Variants in SLC5A2 observed in about 807,000 individuals in gnomAD.
The protein encoded by SLC5A2 is solute carrier family 5 member 2.
SLC5A2 carries 67 observed loss-of-function variants against 69.0 expected under a neutral mutation model. The ratio of observed to expected loss-of-function variants is 0.97; its 90% CI spans 0.80 to 1.19. SLC5A2 has a LOEUF of 1.19. Ranked by LOEUF, SLC5A2 falls within the 50% of genes most tolerant of loss-of-function variation. The pLI is 0.00. For synonymous variants in SLC5A2, 455 were observed against 395.8 expected (o/e 1.15, Z -1.78); for missense variants, 1,001 against 921.5 (o/e 1.09, Z -1.12).
chr16:31,487,774 C>T lies in SLC5A2; in HGVS notation c.885+15C>T, dbSNP rs1041485253. 1.3e-6 allele frequency: 2 copies of T among 1,598,478 alleles called. No individual in the cohort carries two copies. The highest frequency in any genetic ancestry group is 8.5e-7 in the Non-Finnish European group (1 of 1,173,724). On this transcript the variant is annotated intron_variant, in intron 7 of 13. Transcript: ENST00000330498. ...GCAGCGACCAGGTGCGGGTATAGGG[C>T]TGCGCCTGCAGTGAGGCCGGGGCGG...
At position 31,486,236 on chromosome 16, in the gene SLC5A2, A is replaced by G; in HGVS notation, c.535A>G (p.Ile179Val). The G allele has an allele frequency of 6.2e-7, 1 of 1,614,012 alleles. No homozygotes were observed. The highest frequency in any genetic ancestry group is 1.7e-5 in the Admixed American group (1 of 60,014). The change falls in exon 5 of 14, where the codon ATC becomes GTC. Residue 179 changes from isoleucine (I) to valine (V), a missense_variant. By Grantham distance (29) the Ile-to-Val change is conservative. Transcript: ENST00000330498. The stretch of plus-strand genomic sequence containing the variant: ...GGGCTGGAACATCTATGCCTCCGTC[A>G]TCGCGCTTCTGGGCATCACCATGAT... Reference protein sequence around the residue: ...ALGWNIYASVIALLGITMIYT... With the variant: ...ALGWNIYASVVALLGITMIYT...
intron 1 of SLC5A2, among the ~76,000 whole-genome samples, chr16:31,484,191 C>A (rs1473060771): frequency 1.3e-5 from 2 of 151,436 alleles, no homozygotes; most frequent in Non-Finnish European, 2.9e-5. Flanking sequence ...TCAAGGCCAG[C>A]CTGGCCAACA....
chr16:31,484,976 G>C, intron 3 of SLC5A2, 53 bp downstream of exon 3: 1 of 1,501,516 alleles, frequency 6.7e-7, no homozygotes, highest in Non-Finnish European at 9.2e-7. Context: ...CACCTGGAAG[G>C]GTCACACCTT....
In SLC5A2 at chr16:31,490,289, A is replaced by T; in HGVS notation, c.1793-20A>T. On this transcript the variant is annotated intron_variant, in intron 13 of 13. Transcript: ENST00000330498. Reference sequence around the variant, plus strand: ...AGCTGAGTTCCCGCAAACTAACTGCAGGGCCTCAATTTCCCTCAGAGCCCC... The same window carrying T: ...AGCTGAGTTCCCGCAAACTAACTGCTGGGCCTCAATTTCCCTCAGAGCCCC... The T allele has an allele frequency of 1.2e-6, 2 of 1,613,446 alleles. No homozygotes were observed.
In SLC5A2 at chr16:31,487,632, G is replaced by A. The variant is rs368706190; in HGVS notation, c.758G>A (p.Ser253Asn). The A allele has an allele frequency of 3.3e-5, 53 of 1,613,872 alleles. No homozygotes were observed. Among genetic ancestry groups the A allele is most frequent in the Non-Finnish European group, 4.2e-5 (50 of 1,180,006 alleles). ...GATCCAGCCGTGGGAAACATCTCCA[G>A]CTTCTGCTATCGACCCCGGCCCGAC... is the stretch of plus-strand genomic sequence containing the variant. Reference protein sequence around the residue: ...SEDPAVGNISSFCYRPRPDSY... With the variant: ...SEDPAVGNISNFCYRPRPDSY... The change falls in exon 7 of 14, where the codon AGC becomes AAC. Residue 253 changes from serine to asparagine, a missense_variant. Physicochemically the swap from Ser to Asn is conservative, Grantham distance 46 (BLOSUM62 1). Transcript: ENST00000330498.
Position 31,490,608 on chromosome 16 carries a change from G to A in SLC5A2, c.*73G>A. On this transcript the variant is annotated 3_prime_UTR_variant, in exon 14 of 14. Transcript: ENST00000330498. ...GGTGAGGAGCCTGCGGTGCTCCCCA[G>A]AAAAGGGGAAGGGGCAGTGGGGTGA... The A allele has an allele frequency of 2.3e-6, 3 of 1,331,302 alleles. No homozygotes were observed. Among genetic ancestry groups the A allele is most frequent in the East Asian group, 2.4e-5 (1 of 41,130 alleles). The allele number at this position is 1,331,302 out of a possible 1,614,324, so 82.5% of individuals were successfully genotyped here. A position where few individuals can be genotyped will look rare whatever the true frequency, so the allele number is the denominator to read the frequency against.
At chr16:31,483,869 G>C (rs2142613986) in intron 1 of SLC5A2, among the ~76,000 whole-genome samples, 1 of 151,980 alleles carries the variant, frequency 6.6e-6, no homozygotes, top group South Asian at 2.1e-4. Context: ...TTACAGATGT[G>C]AGCCACTGTG....
At chr16:31,486,406 G>A (rs1043162830) in intron 5 of SLC5A2, 131 bp downstream of exon 5, 2 of 712,974 alleles carry the variant, frequency 2.8e-6, no homozygotes, top group African/African-American at 1.7e-5. Context: ...AGCAGGAGAA[G>A]GAACTAAATC....
chr16:31,486,150 G>A lies in SLC5A2; in HGVS notation c.469-20G>A. ...GGACACTGCCCTGGGTCCTGACCTGGCACTTGCTTCTCCCCCAAGGTGGAC... is the reference window on the plus strand; with the variant it reads ...GGACACTGCCCTGGGTCCTGACCTGACACTTGCTTCTCCCCCAAGGTGGAC... On this transcript the variant is annotated intron_variant, in intron 4 of 13. Coordinates refer to ENST00000330498, the MANE Select transcript of SLC5A2 (RefSeq NM_003041.4). The A allele has an allele frequency of 1.3e-6, 2 of 1,587,284 alleles. No homozygotes were observed. The highest frequency in any genetic ancestry group is 1.7e-6 in the Non-Finnish European group (2 of 1,155,470).
chr16:31,487,509 C>A, intron 6 of SLC5A2, 21 bp from the exon 7 acceptor site: 1 of 1,613,174 alleles, frequency 6.2e-7, no homozygotes, highest in South Asian at 1.1e-5. Context: ...AGGAGGGTCC[C>A]CTGACGGCCT....
In SLC5A2 at chr16:31,490,566, G is replaced by T; in HGVS notation, c.*31G>T. On this transcript the variant is annotated 3_prime_UTR_variant, in exon 14 of 14. Transcript: ENST00000330498. Reference sequence around the variant, plus strand: ...ACTGCGTTGGACACCATAAGCCACAGCCTCACAGGAAGTGGGGGTGAGGAG... The same window carrying T: ...ACTGCGTTGGACACCATAAGCCACATCCTCACAGGAAGTGGGGGTGAGGAG... 1 of 1,543,572 alleles carries T rather than the reference G, an allele frequency of 6.5e-7. No homozygotes were observed. The highest frequency in any genetic ancestry group is 8.9e-7 in the Non-Finnish European group (1 of 1,125,032).
rs774962871 is a variant in SLC5A2, at chr16:31,484,670, C to T, written c.127-3C>T. The T allele has an allele frequency of 5.9e-5, 95 of 1,607,086 alleles. No homozygotes were observed. Among genetic ancestry groups the T allele is most frequent in the Non-Finnish European group, 7.9e-5 (93 of 1,179,982 alleles). On this transcript the variant is annotated splice_polypyrimidine_tract_variant and splice_region_variant and intron_variant, in intron 1 of 13. Transcript: ENST00000330498. ...CCAGGTCTCCCCCGCCTCTGTCTCCCAGTCCATGTGCAGAACCAACAGAGG... is the reference window on the plus strand; with the variant it reads ...CCAGGTCTCCCCCGCCTCTGTCTCCTAGTCCATGTGCAGAACCAACAGAGG...
chr16:31,483,199 C>A lies in SLC5A2; in HGVS notation c.63C>A (p.Asp21Glu). ...TGGGGGCCCAGAAGGCCCTGATTGA[C>A]AATCCTGCTGACATCCTAGTCATTG... is the stretch of plus-strand genomic sequence containing the variant. ...PEMGAQKALI[D>E]NPADILVIAA... Residue 21 changes from aspartate (D) to glutamate (E), a missense_variant, in exon 1 of 14, where the codon GAC becomes GAA. Physicochemically the swap from Asp to Glu is conservative, Grantham distance 45. Coordinates refer to ENST00000330498, the MANE Select transcript of SLC5A2 (RefSeq NM_003041.4). The A allele has an allele frequency of 6.2e-7, 1 of 1,614,070 alleles. No homozygotes were observed. Among genetic ancestry groups the A allele is most frequent in the Non-Finnish European group, 8.5e-7 (1 of 1,180,026 alleles).
rs1354279148 is a variant in SLC5A2, at chr16:31,483,215, C to T, written c.79C>T (p.Leu27=). 5 of 1,614,066 alleles carry T rather than the reference C, an allele frequency of 3.1e-6. No homozygotes were observed. ...KALIDNPADI[L]VIAAYFLLVI... Reference sequence around the variant, plus strand: ...CCTGATTGACAATCCTGCTGACATCCTAGTCATTGCTGCATATTTCCTGCT... The same window carrying T: ...CCTGATTGACAATCCTGCTGACATCTTAGTCATTGCTGCATATTTCCTGCT... The change falls in exon 1 of 14, where the codon CTA becomes TTA. Residue 27 remains leucine, a synonymous_variant. Transcript: ENST00000330498.
rs1406538032 is a variant in SLC5A2 at position 31,488,923 on chromosome 16, C to T, written c.1324C>T (p.Pro442Ser). 5.0e-6 allele frequency: 8 copies of T among 1,604,940 alleles called. No homozygotes were observed. The highest frequency in any genetic ancestry group is 6.8e-6 in the Non-Finnish European group (8 of 1,179,888). Residue 442 changes from proline to serine, a missense_variant, in exon 11 of 14, where the codon CCC becomes TCC. Coordinates refer to ENST00000330498, the MANE Select transcript of SLC5A2 (RefSeq NM_003041.4). ...FIVVVSVAWL[P>S]VVQAAQGGQL... Reference sequence around the variant, plus strand: ...CGTGGTAGTGTCGGTGGCCTGGCTTCCCGTGGTGCAGGCGGCACAGGGCGG... The same window carrying T: ...CGTGGTAGTGTCGGTGGCCTGGCTTTCCGTGGTGCAGGCGGCACAGGGCGG...
intron 5 of SLC5A2, 23 bp from the exon 6 acceptor site, chr16:31,487,297 C>A: frequency 1.9e-6 from 3 of 1,612,608 alleles, no homozygotes; most frequent in Middle Eastern, 3.3e-4. Context: ...GCTGGGCTGT[C>A]CCCTGACCCC....
chr16:31,485,680 T>C (rs753491125), intron 3 of SLC5A2, 49 bp from the exon 4 acceptor site: 15 of 1,605,210 alleles, frequency 9.3e-6, no homozygotes, highest in Non-Finnish European at 1.1e-5. Flanking sequence ...GGTCAGATCC[T>C]CAGGGATGAG....
Position 31,490,157 on chromosome 16 carries a change from G to T in SLC5A2, c.1719G>T (p.Leu573=), listed in dbSNP as rs767926604. ...LRHSKEERED[L]DADEQQGSSL... is the part of the protein sequence containing the mutation. ...ATAGCAAGGAGGAACGGGAGGACCT[G>T]GATGCTGATGAGCAGCAAGGCTCCT... The change falls in exon 13 of 14, where the codon CTG becomes CTT. Residue 573 remains leucine, a synonymous_variant. Transcript: ENST00000330498. The T allele has an allele frequency of 6.2e-6, 10 of 1,614,060 alleles. No homozygotes were observed. In the Admixed American group the frequency reaches 1.7e-4, roughly 27 times the overall value.
chr16:31,489,302 G>A lies in SLC5A2; in HGVS notation c.1629G>A (p.Thr543=), dbSNP rs779189173. The change falls in exon 12 of 14, where the codon ACG becomes ACA. Residue 543 remains threonine, a synonymous_variant. Transcript: ENST00000330498. Reference sequence around the variant, plus strand: ...TCTGCTCTGGCCTCCTCACCCTCACGGTCTCCCTGTGCACCGCGCCCATCC... The same window carrying A: ...TCTGCTCTGGCCTCCTCACCCTCACAGTCTCCCTGTGCACCGCGCCCATCC... ...LFFCSGLLTL[T]VSLCTAPIPR... 1.1e-5 allele frequency: 17 copies of A among 1,610,018 alleles called. No homozygotes were observed. Among genetic ancestry groups the A allele is most frequent in the Non-Finnish European group, 7.6e-6 (9 of 1,180,002 alleles).
Sources: gnomAD v4.1 joint callset for allele counts (sites outside exome capture counted in the v4.1 genomes callset) on GRCh38, gnomAD v4.1.1 for gene constraint, MANE v1.5 for transcripts, NCBI Gene and HGNC (gene_info 2026-07-23, HGNC 2026-07-21) for gene names.